Variants in KCNC2 observed in about 807,000 individuals in gnomAD.
KCNC2 encodes the protein voltage-gated potassium channel KCNC2.
Under a neutral mutation model 44.5 loss-of-function variants are expected in KCNC2, and 21 were observed. The observed-to-expected ratio is 0.47, with a 90% CI of 0.33 to 0.68. The LOEUF is 0.68. Ranked by LOEUF, KCNC2 falls within the 30% of genes least tolerant of loss-of-function variation. The pLI is 0.01. For synonymous variants in KCNC2, 391 were observed against 339.1 expected (o/e 1.15, Z -1.68); for missense variants, 589 against 826.2 (o/e 0.71, Z 3.52).
intron 2 of KCNC2, among the ~76,000 whole-genome samples, chr12:75,054,678 A>T (rs1881549367): frequency 6.6e-6 from 1 of 152,166 alleles, no homozygotes; most frequent in Admixed American, 6.6e-5. Flanking sequence ...GATATGTTAT[A>T]GGTATAAGAA....
In KCNC2 at chr12:75,081,037, T is replaced by C. The variant is rs192769306; in HGVS notation, c.688-29720A>G. Among the ~76,000 whole-genome samples, 648 of 152,218 alleles carry C rather than the reference T, an allele frequency of 4.3e-3. 5 individuals carry two copies. Among genetic ancestry groups the C allele is most frequent in the Middle Eastern group, 0.017 (5 of 292 alleles). On this transcript the variant is annotated intron_variant, in intron 2 of 4. Transcript: ENST00000549446. Reference sequence around the variant, plus strand: ...AATATATGCTAGCCGAGGATAAAATTTACAATTTTCAGAATGCATTACTAT... The same window carrying C: ...AATATATGCTAGCCGAGGATAAAATCTACAATTTTCAGAATGCATTACTAT...
At chr12:75,107,871 T>A (rs1886916299) in intron 2 of KCNC2, among the ~76,000 whole-genome samples, 2 of 152,186 alleles carry the variant, frequency 1.3e-5, no homozygotes, top group Non-Finnish European at 2.9e-5. Context: ...CACTCTTACT[T>A]TCTGAAAGTA....
intron 2 of KCNC2, among the ~76,000 whole-genome samples, chr12:75,115,538 C>G (rs975788325): frequency 2.6e-5 from 4 of 152,090 alleles, no homozygotes; most frequent in African/African-American, 9.7e-5. Context: ...GTCTCGTTAC[C>G]AAGTTTGGGA....
Position 75,201,280 on chromosome 12 carries a change from AAAAAAAAAAAAAAAAAAAC to A in KCNC2, c.687+5998_687+6016del, listed in dbSNP as rs1373321984. Among the ~76,000 whole-genome samples, 157 of 123,800 alleles carry A rather than the reference AAAAAAAAAAAAAAAAAAAC, an allele frequency of 1.3e-3. 5 individuals are homozygous for A. The East Asian group carries it at 0.024, about 19-fold the overall frequency. The allele number at this position is 123,800 out of a possible 152,430, so 81.2% of individuals were successfully genotyped here. On this transcript the variant is annotated intron_variant, in intron 2 of 4. Coordinates refer to ENST00000549446, the MANE Select transcript of KCNC2 (RefSeq NM_139137.4). ...GAAATTGGAAAAAAAAAAAAAAAAAAAAAAAAAAAAAAAAAAAACCAGATTCTGGTTTACTTTATTAGTG... is the reference window on the plus strand; with the variant it reads ...GAAATTGGAAAAAAAAAAAAAAAAAACAGATTCTGGTTTACTTTATTAGTG...
chr12:75,182,481 A>G (rs1811520540), intron 2 of KCNC2, among the ~76,000 whole-genome samples: 2 of 146,574 alleles, frequency 1.4e-5, no homozygotes, highest in South Asian at 4.3e-4. Flanking sequence ...AGATCGCGCC[A>G]CTGCACTCTA....
intron 2 of KCNC2, among the ~76,000 whole-genome samples, chr12:75,116,701 G>C (rs956649347): frequency 2.6e-5 from 4 of 152,108 alleles, no homozygotes; most frequent in African/African-American, 7.2e-5. Context: ...CATAGGAAAG[G>C]CTGATTAAAA....
intron 2 of KCNC2, among the ~76,000 whole-genome samples, chr12:75,155,654 G>T (rs542556751): frequency 6.6e-6 from 1 of 151,574 alleles, no homozygotes; most frequent in Non-Finnish European, 1.5e-5. Flanking sequence ...AAATGAGAAG[G>T]CTTGTTAAGT....
chr12:75,072,417 T>C (rs1883511543), intron 2 of KCNC2, among the ~76,000 whole-genome samples: 4 of 152,104 alleles, frequency 2.6e-5, no homozygotes, highest in Admixed American at 2.6e-4. Flanking sequence ...GAAGGGAATA[T>C]TTTATCTTCA....
At chr12:75,126,234 TAGTC>T (rs1888415186) in intron 2 of KCNC2, among the ~76,000 whole-genome samples, 1 of 152,208 alleles carries the variant, frequency 6.6e-6, no homozygotes, top group Admixed American at 6.5e-5. Flanking sequence ...GTAAAACTAA[TAGTC>T]AGTTAATGTG....
intron 3 of KCNC2, 45 bp from the exon 4 acceptor site, chr12:75,048,362 A>G: frequency 6.5e-7 from 1 of 1,544,616 alleles, no homozygotes; most frequent in South Asian, 1.2e-5. Context: ...ATGAATGAGG[A>G]AATGAGACAG....
intron 2 of KCNC2, among the ~76,000 whole-genome samples, chr12:75,117,893 AAGAGGT>A (rs913486408): frequency 1.3e-5 from 2 of 152,168 alleles, no homozygotes; most frequent in African/African-American, 4.8e-5. Context: ...TACACAACTA[AAGAGGT>A]TACTACTCAC....
chr12:75,205,750 A>G (rs1186604895), intron 2 of KCNC2, among the ~76,000 whole-genome samples: 1 of 152,124 alleles, frequency 6.6e-6, no homozygotes, highest in Admixed American at 6.5e-5. Context: ...GCTGGAATCC[A>G]AAAAACACAG....
At chr12:75,154,201 G>A (rs1440164647) in intron 2 of KCNC2, among the ~76,000 whole-genome samples, 1 of 151,978 alleles carries the variant, frequency 6.6e-6, no homozygotes, top group Non-Finnish European at 1.5e-5. Context: ...CCCCTAGGGG[G>A]TCCCTCCTGT....
intron 2 of KCNC2, among the ~76,000 whole-genome samples, chr12:75,123,649 C>A (rs966219878): frequency 3.3e-5 from 5 of 152,134 alleles, no homozygotes; most frequent in African/African-American, 1.2e-4. Context: ...GAGTACAACC[C>A]AGTATAGTCT....
chr12:75,178,302 T>G (rs1040509646), intron 2 of KCNC2, among the ~76,000 whole-genome samples: 1 of 151,908 alleles, frequency 6.6e-6, no homozygotes, highest in African/African-American at 2.4e-5. Context: ...CATTAGAAAA[T>G]AGACCTGTTA....
At chr12:75,119,552 T>TG (rs1218686958) in intron 2 of KCNC2, among the ~76,000 whole-genome samples, 1 of 152,224 alleles carries the variant, frequency 6.6e-6, no homozygotes, top group East Asian at 1.9e-4. Context: ...ACGGGTGAAG[T>TG]GGGCCAGAAT....
At chr12:75,177,057 T>TATATATATAC (rs1491339880) in intron 2 of KCNC2, among the ~76,000 whole-genome samples, 33 of 127,298 alleles carry the variant, frequency 2.6e-4, no homozygotes, top group African/African-American at 9.1e-4. Context: ...TATATATATA[T>TATATATATAC]ACACACACAC....
intron 2 of KCNC2, among the ~76,000 whole-genome samples, chr12:75,157,348 G>A (rs1890831778): frequency 6.6e-6 from 1 of 151,774 alleles, no homozygotes; most frequent in Non-Finnish European, 1.5e-5. Context: ...ATGAGGAAAA[G>A]GCTAAAAGAA....
At chr12:75,132,506 A>G (rs539434080) in intron 2 of KCNC2, among the ~76,000 whole-genome samples, 2 of 152,250 alleles carry the variant, frequency 1.3e-5, no homozygotes, top group African/African-American at 4.8e-5. Context: ...TTACTATAAA[A>G]CTATTGGAAC....
Sources: allele counts gnomAD v4.1 joint callset (sites outside exome capture counted in the v4.1 genomes callset), GRCh38; gene constraint gnomAD v4.1.1; transcripts MANE v1.5; gene names NCBI Gene and HGNC (gene_info 2026-07-23, HGNC 2026-07-21).